Variants in SLC30A8 observed in about 807,000 individuals in gnomAD.
The protein encoded by SLC30A8 is proton-coupled zinc antiporter SLC30A8.
A neutral mutation model predicts 36.9 loss-of-function variants in SLC30A8; 27 were observed. The ratio of observed to expected loss-of-function variants is 0.73; its 90% CI spans 0.54 to 1.01. The LOEUF (loss-of-function observed/expected upper bound fraction) is 1.01. SLC30A8 is among the 50% of genes least tolerant of loss of function. The pLI is 0.00. For missense variants in SLC30A8, 439 were observed against 452.0 expected (o/e 0.97, Z 0.26); for synonymous variants, 164 against 172.4 (o/e 0.95, Z 0.38).
intron 1 of SLC30A8, among the ~76,000 whole-genome samples, chr8:116,960,007 G>C (rs1310948642): frequency 6.6e-6 from 1 of 152,180 alleles, no homozygotes; most frequent in East Asian, 1.9e-4. Context: ...AGCTTGTCAG[G>C]CTACTCCCTG....
chr8:116,969,353 G>T (rs1271959448), intron 1 of SLC30A8, among the ~76,000 whole-genome samples: 1 of 152,184 alleles, frequency 6.6e-6, no homozygotes, highest in Non-Finnish European at 1.5e-5. Flanking sequence ...GGGAGGTGGA[G>T]GTTGCAGTGA....
chr8:117,124,648 GA>G (rs35557733), intron 2 of SLC30A8, among the ~76,000 whole-genome samples: 3,971 of 111,202 alleles, frequency 0.036, 132 homozygotes, highest in African/African-American at 0.098. Flanking sequence ...CTTGTATCCA[GA>G]AAAAAAAAAA....
At chr8:117,005,008 C>T (rs1279452411) in intron 1 of SLC30A8, among the ~76,000 whole-genome samples, 1 of 152,102 alleles carries the variant, frequency 6.6e-6, no homozygotes, top group Non-Finnish European at 1.5e-5. Context: ...ATATATAACT[C>T]ACATATCACC....
Position 117,160,403 on chromosome 8 carries a change from T to TG in SLC30A8, c.573-1335_573-1334insG, listed in dbSNP as rs1822717173. On this transcript the variant is annotated intron_variant, in intron 4 of 7. Coordinates refer to ENST00000456015, the MANE Select transcript of SLC30A8 (RefSeq NM_173851.3). ...ACTTATTGTAATTAGAATTTTCCACTTGTGTGTGTGTGTGTGTGTGTGTGT... is the reference window on the plus strand; with the variant it reads ...ACTTATTGTAATTAGAATTTTCCACTGTGTGTGTGTGTGTGTGTGTGTGTGT... Among the ~76,000 whole-genome samples, 624 of 145,912 alleles carry TG rather than the reference T, an allele frequency of 4.3e-3. 5 individuals carry two copies. The highest frequency in any genetic ancestry group is 0.015 in the African/African-American group (583 of 38,962).
chr8:116,952,235 A>G (rs563010178), intron 1 of SLC30A8, among the ~76,000 whole-genome samples: 1 of 152,348 alleles, frequency 6.6e-6, no homozygotes, highest in South Asian at 2.1e-4. Flanking sequence ...AGAGGTGGAC[A>G]TATCATGACA....
At chr8:117,117,140 G>T (rs923267090) in intron 2 of SLC30A8, among the ~76,000 whole-genome samples, 3 of 151,772 alleles carry the variant, frequency 2.0e-5, no homozygotes, top group African/African-American at 7.3e-5. Context: ...GAAGCAAAAG[G>T]GCTCTTCTGA....
At chr8:117,131,348 A>C (rs1298573014), upstream of SLC30A8, among the ~76,000 whole-genome samples, 1 of 152,022 alleles carries the variant, frequency 6.6e-6, no homozygotes, top group Non-Finnish European at 1.5e-5. Context: ...CTTGCTAAGA[A>C]AATACTACTC....
chr8:117,141,017 AATT>A (rs1177374666), intron 1 of SLC30A8, among the ~76,000 whole-genome samples: 1 of 152,128 alleles, frequency 6.6e-6, no homozygotes, highest in Non-Finnish European at 1.5e-5. Flanking sequence ...AAAGATATTG[AATT>A]ATTAATAAAT....
rs71305451 is a variant in SLC30A8 at position 116,977,141 on chromosome 8, C to CTTTT, written c.-266+26042_-266+26045dup. ...CTTTTCTTTCTTTTTCTTTTTCTTGCTTTTTTTTTTTTTTTTTTTTTTTGA... is the reference window on the plus strand; with the variant it reads ...CTTTTCTTTCTTTTTCTTTTTCTTGCTTTTTTTTTTTTTTTTTTTTTTTTTTTGA... On this transcript the variant is annotated intron_variant, in intron 1 of 10. Coordinates refer to the SLC30A8 transcript ENST00000427715. Among the ~76,000 whole-genome samples the CTTTT allele has an allele frequency of 5.7e-3, 338 of 59,104 alleles. 5 individuals carry two copies. Among genetic ancestry groups the CTTTT allele is most frequent in the African/African-American group, 8.0e-3 (109 of 13,684 alleles). The allele number at this position is 59,104 out of a possible 152,430, so 38.8% of individuals were successfully genotyped here. A position where few individuals can be genotyped will look rare whatever the true frequency, so the allele number is the denominator to read the frequency against.
At chr8:117,013,544 C>A (rs1427937242) in intron 1 of SLC30A8, among the ~76,000 whole-genome samples, 2 of 152,110 alleles carry the variant, frequency 1.3e-5, no homozygotes, top group Non-Finnish European at 2.9e-5. Context: ...AATATTCATT[C>A]ATTTTTTTCT....
chr8:117,006,975 T>G (rs1232697482), intron 1 of SLC30A8: 1 of 103,764 alleles, frequency 9.6e-6, no homozygotes, highest in African/African-American at 3.6e-5. Context: ...TTTTTTTTTT[T>G]TTTTTTTTTC....
In SLC30A8 at chr8:117,040,289, TATA is replaced by T. The variant is rs35452952; in HGVS notation, c.-226+1035_-226+1037del. On this transcript the variant is annotated intron_variant, in intron 2 of 10. Coordinates refer to the SLC30A8 transcript ENST00000427715. ...GTGAGTTTAATTACTGGAATTTCTATATAATATTACCCCAAATGACATCTGGGT... is the reference window on the plus strand; with the variant it reads ...GTGAGTTTAATTACTGGAATTTCTATATATTACCCCAAATGACATCTGGGT... 5.4e-3 allele frequency among the ~76,000 whole-genome samples: 819 copies of T among 152,336 alleles called. 5 individuals carry two copies. Among genetic ancestry groups the T allele is most frequent in the African/African-American group, 0.018 (765 of 41,564 alleles).
chr8:117,159,727 C>A (rs561898195), intron 4 of SLC30A8, among the ~76,000 whole-genome samples: 3 of 152,222 alleles, frequency 2.0e-5, no homozygotes, highest in Admixed American at 6.5e-5. Flanking sequence ...ATAAGGAGAA[C>A]AATATGGTCT....
chr8:117,073,839 C>G (rs1818410022), intron 2 of SLC30A8, among the ~76,000 whole-genome samples: 1 of 152,096 alleles, frequency 6.6e-6, no homozygotes, highest in South Asian at 2.1e-4. Flanking sequence ...CTTCTGTGAT[C>G]TAGTGCCTGC....
At chr8:117,070,095 T>C (rs1818284435) in intron 2 of SLC30A8, among the ~76,000 whole-genome samples, 1 of 152,342 alleles carries the variant, frequency 6.6e-6, no homozygotes, top group Admixed American at 6.5e-5. Flanking sequence ...GAAACTGAAA[T>C]CAATCAGTGA....
At chr8:117,122,573 T>A (rs556418401) in intron 2 of SLC30A8, among the ~76,000 whole-genome samples, 1 of 152,118 alleles carries the variant, frequency 6.6e-6, no homozygotes, top group Non-Finnish European at 1.5e-5. Context: ...GCTTACCATC[T>A]ACAAGCACTC....
chr8:117,031,767 ATCT>A (rs1198931952), intron 1 of SLC30A8, among the ~76,000 whole-genome samples: 5 of 151,838 alleles, frequency 3.3e-5, no homozygotes, highest in African/African-American at 1.2e-4. Context: ...CCCAGCCGAA[ATCT>A]TCTTAATAAT....
chr8:117,014,607 C>T (rs370759721), intron 1 of SLC30A8, among the ~76,000 whole-genome samples: 6 of 152,256 alleles, frequency 3.9e-5, no homozygotes, highest in African/African-American at 9.6e-5. Context: ...AAAACAAGTA[C>T]GTAGTGTTAC....
At chr8:117,044,170 G>A (rs917925289) in intron 2 of SLC30A8, among the ~76,000 whole-genome samples, 9 of 152,180 alleles carry the variant, frequency 5.9e-5, no homozygotes, top group African/African-American at 1.7e-4. Flanking sequence ...CAAGTGAAGA[G>A]CCTGGGGTAA....
Sources: allele counts gnomAD v4.1 joint callset (sites outside exome capture counted in the v4.1 genomes callset), GRCh38; gene constraint gnomAD v4.1.1; transcripts MANE v1.5; gene names NCBI Gene and HGNC (gene_info 2026-07-23, HGNC 2026-07-21).